The following RSU1 variants were observed in gnomAD, a reference collection of about 807,000 sequenced individuals.
The protein encoded by RSU1 is rsu-1.
Under a neutral mutation model 31.1 loss-of-function variants are expected in RSU1, and 26 were observed. The ratio of observed to expected loss-of-function variants is 0.84; its 90% CI spans 0.61 to 1.16. The LOEUF is 1.16. Ranked by LOEUF, RSU1 falls within the 50% of genes most tolerant of loss-of-function variation. The probability of loss-of-function intolerance (pLI) is 0.00; values close to 1 mark genes in which losing one functional copy is unlikely to be tolerated. For synonymous variants in RSU1, 164 were observed against 136.3 expected (o/e 1.20, Z -1.41); for missense variants, 320 against 339.1 (o/e 0.94, Z 0.44).
In RSU1 at chr10:16,635,201, C is replaced by T. The variant is rs186904240; in HGVS notation, c.732-41705G>A. Among the ~76,000 whole-genome samples the T allele has an allele frequency of 3.0e-3, 457 of 152,310 alleles. 3 individuals are homozygous for T. The highest frequency in any genetic ancestry group is 7.2e-3 in the Admixed American group (110 of 15,302). On this transcript the variant is annotated intron_variant, in intron 8 of 8. Transcript: ENST00000345264. ...GAATATTGGCTGCTTTTGCCAATAT[C>T]CAAACCAAATTCTCCTGATGCAGCA...
At chr10:16,788,575 G>C (rs1040299044) in intron 2 of RSU1, among the ~76,000 whole-genome samples, 1 of 152,158 alleles carries the variant, frequency 6.6e-6, no homozygotes, top group Non-Finnish European at 1.5e-5. Flanking sequence ...GCATTTTCCA[G>C]GCTTCAAAAC....
At chr10:16,614,482 AT>A (rs1833943147) in intron 8 of RSU1, among the ~76,000 whole-genome samples, 1 of 152,202 alleles carries the variant, frequency 6.6e-6, no homozygotes, top group Non-Finnish European at 1.5e-5. Flanking sequence ...ATTGTAATCA[AT>A]AATTTACACT....
Position 16,593,247 on chromosome 10 carries a change from T to C in RSU1, c.*147A>G, listed in dbSNP as rs1805966362. The C allele has an allele frequency of 1.4e-6, 2 of 1,389,412 alleles. No individual in the cohort carries two copies. The highest frequency in any genetic ancestry group is 5.6e-5 in the Admixed American group (2 of 35,628). The allele number at this position is 1,389,412 out of a possible 1,614,324, so 86.1% of individuals were successfully genotyped here. On this transcript the variant is annotated 3_prime_UTR_variant, in exon 9 of 9. Coordinates refer to ENST00000345264, the MANE Select transcript of RSU1 (RefSeq NM_012425.4). Reference sequence around the variant, plus strand: ...CCACCTAGCAAAAGAATCTAAAAGGTAAGGTGGGAAGCATTAGAAAGAGAG... The same window carrying C: ...CCACCTAGCAAAAGAATCTAAAAGGCAAGGTGGGAAGCATTAGAAAGAGAG...
intron 8 of RSU1, among the ~76,000 whole-genome samples, chr10:16,621,538 C>T (rs1325975835): frequency 6.6e-6 from 1 of 152,100 alleles, no homozygotes; most frequent in Non-Finnish European, 1.5e-5. Context: ...GAAAGACATA[C>T]CCAACACTGG....
At chr10:16,797,748 CA>C (rs141741616) in intron 2 of RSU1, among the ~76,000 whole-genome samples, 8,194 of 146,680 alleles carry the variant, frequency 0.056, 274 homozygotes, top group African/African-American at 0.098. Context: ...AAATTAGAAA[CA>C]AAAAAAATTA....
intron 7 of RSU1, among the ~76,000 whole-genome samples, chr10:16,750,420 C>T (rs896671360): frequency 9.2e-5 from 14 of 152,044 alleles, no homozygotes; most frequent in Non-Finnish European, 1.8e-4. Flanking sequence ...TAAAAATATA[C>T]ATGATTTGTT....
At chr10:16,682,615 C>A (rs1835351740) in intron 8 of RSU1, among the ~76,000 whole-genome samples, 1 of 151,002 alleles carries the variant, frequency 6.6e-6, no homozygotes, top group Admixed American at 6.6e-5. Flanking sequence ...CCTCCTCTTA[C>A]TTTCGGGAAC....
At chr10:16,788,077 T>C (rs1027868601) in intron 2 of RSU1, among the ~76,000 whole-genome samples, 4 of 151,988 alleles carry the variant, frequency 2.6e-5, no homozygotes, top group African/African-American at 7.3e-5. Context: ...CCCTGAGATG[T>C]ATAGTCTGAC....
intron 7 of RSU1, among the ~76,000 whole-genome samples, chr10:16,698,399 G>A (rs1340117425): frequency 6.6e-6 from 1 of 152,036 alleles, no homozygotes; most frequent in Non-Finnish European, 1.5e-5. Context: ...TACTACTGAC[G>A]GCCTGCAAAA....
chr10:16,639,818 T>G (rs1262425938), intron 8 of RSU1, among the ~76,000 whole-genome samples: 2 of 152,198 alleles, frequency 1.3e-5, no homozygotes, highest in Admixed American at 1.3e-4. Context: ...CTGGAAATAT[T>G]TACAGCAACA....
chr10:16,756,694 C>A (rs1200666056), intron 4 of RSU1, among the ~76,000 whole-genome samples: 1 of 152,182 alleles, frequency 6.6e-6, no homozygotes, highest in South Asian at 2.1e-4. Context: ...CAACTGTAGG[C>A]TATTAGGAAT....
chr10:16,714,589 T>C (rs764522271), intron 7 of RSU1, among the ~76,000 whole-genome samples: 1 of 151,784 alleles, frequency 6.6e-6, no homozygotes, highest in African/African-American at 2.4e-5. Flanking sequence ...CGTACAGATC[T>C]GCCTGTTCCC....
At chr10:16,644,139 A>G (rs1834494409) in intron 8 of RSU1, among the ~76,000 whole-genome samples, 1 of 152,052 alleles carries the variant, frequency 6.6e-6, no homozygotes, top group Non-Finnish European at 1.5e-5. Flanking sequence ...CCCTATGGTT[A>G]CTGAAGAGTG....
intron 8 of RSU1, among the ~76,000 whole-genome samples, chr10:16,673,093 G>A (rs980778250): frequency 2.0e-5 from 3 of 152,174 alleles, no homozygotes; most frequent in African/African-American, 7.2e-5. Context: ...TCATTAAAAG[G>A]CACTTCATAG....
intron 4 of RSU1, among the ~76,000 whole-genome samples, chr10:16,756,206 G>T (rs1837082298): frequency 1.3e-5 from 2 of 152,100 alleles, no homozygotes; most frequent in African/African-American, 4.8e-5. Flanking sequence ...GAGAGGTGTG[G>T]TTTAATGGGC....
At chr10:16,788,852 G>T (rs1159252268) in intron 2 of RSU1, among the ~76,000 whole-genome samples, 1 of 152,192 alleles carries the variant, frequency 6.6e-6, no homozygotes, top group Non-Finnish European at 1.5e-5. Flanking sequence ...GCTGGCTTCT[G>T]GGTGACCACG....
chr10:16,792,134 C>T (rs569679951), intron 2 of RSU1, among the ~76,000 whole-genome samples: 2 of 152,276 alleles, frequency 1.3e-5, no homozygotes, highest in South Asian at 2.1e-4. Context: ...GGTTCTGTAA[C>T]GTTGGTCATA....
chr10:16,773,863 G>C lies in RSU1; in HGVS notation c.160+8171C>G, dbSNP rs1837474236. Among the ~76,000 whole-genome samples the C allele has an allele frequency of 2.6e-5, 4 of 151,200 alleles. No homozygotes were observed. The South Asian group carries it at 8.5e-4, about 32-fold the overall frequency. ...GAAGGATAAGCCAAATTCAGAGAAA[G>C]GGGTAGGAACATCAGTTTTTTTAAA... On this transcript the variant is annotated intron_variant, in intron 3 of 8. Coordinates refer to ENST00000345264, the MANE Select transcript of RSU1 (RefSeq NM_012425.4).
At chr10:16,659,984 C>T (rs1310177259) in intron 8 of RSU1, among the ~76,000 whole-genome samples, 1 of 152,168 alleles carries the variant, frequency 6.6e-6, no homozygotes, top group Non-Finnish European at 1.5e-5. Flanking sequence ...ATGGGACTCA[C>T]AAACTTTTGC....
Sources: gnomAD v4.1 joint callset for allele counts (sites outside exome capture counted in the v4.1 genomes callset) on GRCh38, gnomAD v4.1.1 for gene constraint, MANE v1.5 for transcripts, NCBI Gene and HGNC (gene_info 2026-07-23, HGNC 2026-07-21) for gene names.